The following FOCAD variants were observed in gnomAD, a reference collection of about 807,000 sequenced individuals.
The protein encoded by FOCAD is KIAA1797.
Under a neutral mutation model 225.6 loss-of-function variants are expected in FOCAD, and 198 were observed. The observed-to-expected ratio is 0.88, with a 90% CI of 0.78 to 0.99. The LOEUF (loss-of-function observed/expected upper bound fraction) is 0.99. Ranked by LOEUF, FOCAD falls within the 50% of genes least tolerant of loss-of-function variation. The pLI is 0.00. For synonymous variants in FOCAD, 897 were observed against 755.0 expected (o/e 1.19, Z -3.08); for missense variants, 2,713 against 2,123.6 (o/e 1.28, Z -5.46).
At chr9:20,843,304 A>G (rs921199693) in intron 15 of FOCAD, among the ~76,000 whole-genome samples, 13 of 152,078 alleles carry the variant, frequency 8.5e-5, no homozygotes, top group African/African-American at 2.9e-4. Flanking sequence ...ATGTTGATGA[A>G]ATCCCTCTGA....
rs199631251 is a variant in FOCAD, at chr9:20,841,775, ATTTCT to A, written c.1920+18667_1920+18671del. ...ATTTATTTCCCCTTTCATCTTTGTTATTTCTTTTCTTCTAATTTTGGGTTTGATTT... is the reference window on the plus strand; with the variant it reads ...ATTTATTTCCCCTTTCATCTTTGTTATTTCTTCTAATTTTGGGTTTGATTT... On this transcript the variant is annotated intron_variant, in intron 15 of 43. Coordinates refer to ENST00000338382, the MANE Select transcript of FOCAD (RefSeq NM_001375567.1). Among the ~76,000 whole-genome samples, 346 of 148,796 alleles carry A rather than the reference ATTTCT, an allele frequency of 2.3e-3. 10 individuals are homozygous for A. In the East Asian group the frequency reaches 0.045, roughly 19 times the overall value.
At chr9:20,715,623 A>G (rs1035537951) in intron 2 of FOCAD, among the ~76,000 whole-genome samples, 17 of 152,250 alleles carry the variant, frequency 1.1e-4, no homozygotes, top group South Asian at 2.1e-4. Flanking sequence ...TTCTGTTTAT[A>G]TATCATACTT....
chr9:20,768,007 G>T (rs1390204772), intron 7 of FOCAD, among the ~76,000 whole-genome samples: 4 of 151,792 alleles, frequency 2.6e-5, no homozygotes, highest in Non-Finnish European at 5.9e-5. Flanking sequence ...TTTGTATAAG[G>T]TGTAAGGAAG....
In FOCAD at chr9:20,916,789, G is replaced by A. The variant is rs1192437236; in HGVS notation, c.2808-104G>A. ...TGAAATTCTACCTGTATAGTTTTAA[G>A]ATCTGGAGCCATTGCTGGAGGTTCT... On this transcript the variant is annotated intron_variant, in intron 23 of 43. Transcript: ENST00000338382. 6.9e-6 allele frequency: 7 copies of A among 1,011,594 alleles called. No individual in the cohort carries two copies. The Middle Eastern group carries it at 7.1e-4, about 102-fold the overall frequency. The allele number at this position is 1,011,594 out of a possible 1,614,324, so 62.7% of individuals were successfully genotyped here. A position where few individuals can be genotyped will look rare whatever the true frequency, so the allele number is the denominator to read the frequency against.
At chr9:20,778,090 A>AAT (rs1662785614) in intron 8 of FOCAD, among the ~76,000 whole-genome samples, 1 of 10,396 alleles carries the variant, frequency 9.6e-5, no homozygotes, top group South Asian at 2.6e-3. Context: ...ACTCCGTCTC[A>AAT]AAAAAAAAAA....
chr9:20,928,634 A>G (rs1474739694), intron 26 of FOCAD, among the ~76,000 whole-genome samples: 1 of 152,116 alleles, frequency 6.6e-6, no homozygotes, highest in Non-Finnish European at 1.5e-5. Flanking sequence ...CTGTCATTTT[A>G]TTAGGGCTGT....
rs564379220 is a variant in FOCAD at position 20,747,069 on chromosome 9, G to A, written c.392+6729G>A. ...AGTTATCATTTTTTTGAACTAATAAGCAATCTGTGGGGAATACATTTTGAG... is the reference window on the plus strand; with the variant it reads ...AGTTATCATTTTTTTGAACTAATAAACAATCTGTGGGGAATACATTTTGAG... On this transcript the variant is annotated intron_variant, in intron 5 of 43. Transcript: ENST00000338382. Among the ~76,000 whole-genome samples, 7 of 152,124 alleles carry A rather than the reference G, an allele frequency of 4.6e-5. No individual in the cohort carries two copies. In the South Asian group the frequency reaches 8.3e-4, roughly 18 times the overall value.
At chr9:20,862,072 T>C (rs918064965) in intron 15 of FOCAD, among the ~76,000 whole-genome samples, 1 of 152,120 alleles carries the variant, frequency 6.6e-6, no homozygotes, top group Non-Finnish European at 1.5e-5. Context: ...GTAGTTATTC[T>C]CCTACCTCTG....
At chr9:20,955,707 T>C (rs913861219) in intron 35 of FOCAD, among the ~76,000 whole-genome samples, 3 of 152,164 alleles carry the variant, frequency 2.0e-5, no homozygotes, top group Admixed American at 2.0e-4. Context: ...AACATGGATA[T>C]TTTTTCCCCC....
intron 8 of FOCAD, among the ~76,000 whole-genome samples, chr9:20,770,460 T>C (rs9298809): frequency 0.01 from 1,510 of 150,328 alleles, 24 homozygotes; most frequent in African/African-American, 0.036. Flanking sequence ...GGTGTAGGAG[T>C]GAGAGAGAGG....
intron 7 of FOCAD, among the ~76,000 whole-genome samples, chr9:20,768,546 C>G (rs1817834998): frequency 6.6e-6 from 1 of 151,636 alleles, no homozygotes; most frequent in South Asian, 2.1e-4. Context: ...CCTTCACATC[C>G]CTTGTAAGTT....
chr9:20,830,783 C>A (rs1453418751), intron 15 of FOCAD, among the ~76,000 whole-genome samples: 1 of 151,878 alleles, frequency 6.6e-6, no homozygotes, highest in Non-Finnish European at 1.5e-5. Flanking sequence ...TGCAAGGGAT[C>A]CTCCCACCTT....
At chr9:20,818,683 A>T (rs1054411894) in intron 11 of FOCAD, among the ~76,000 whole-genome samples, 3 of 151,958 alleles carry the variant, frequency 2.0e-5, no homozygotes, top group Admixed American at 6.6e-5. Flanking sequence ...GATTATAAAT[A>T]TAAGTACTCA....
In FOCAD at chr9:20,920,791, C is replaced by T. The variant is rs1386857300; in HGVS notation, c.2853-2869C>T. Among the ~76,000 whole-genome samples the T allele has an allele frequency of 2.7e-5, 4 of 150,148 alleles. No homozygotes were observed. In the East Asian group the frequency reaches 7.9e-4, roughly 30 times the overall value. ...GAACACATGGACACAGGAAAGGGAACATCACACTCTGGGGACTGTTGTGGG... is the reference window on the plus strand; with the variant it reads ...GAACACATGGACACAGGAAAGGGAATATCACACTCTGGGGACTGTTGTGGG... On this transcript the variant is annotated intron_variant, in intron 24 of 43. Transcript: ENST00000338382.
chr9:20,921,360 C>G (rs969010051), intron 24 of FOCAD, among the ~76,000 whole-genome samples: 3 of 152,116 alleles, frequency 2.0e-5, no homozygotes, highest in African/African-American at 7.2e-5. Flanking sequence ...TAGATAAATA[C>G]TCTGTGGAAG....
At chr9:20,764,105 G>T (rs1283583636) in intron 6 of FOCAD, among the ~76,000 whole-genome samples, 1 of 152,170 alleles carries the variant, frequency 6.6e-6, no homozygotes, top group Non-Finnish European at 1.5e-5. Context: ...AGGTTAACAA[G>T]TAAATGTTAA....
intron 1 of FOCAD, among the ~76,000 whole-genome samples, chr9:20,700,376 G>T (rs1205295241): frequency 2.0e-5 from 3 of 151,644 alleles, no homozygotes; most frequent in African/African-American, 7.3e-5. Context: ...AGTCTTGTTA[G>T]CTTTTACATG....
intron 22 of FOCAD, among the ~76,000 whole-genome samples, chr9:20,912,662 T>C (rs1225359296): frequency 6.6e-6 from 1 of 152,140 alleles, no homozygotes; most frequent in African/African-American, 2.4e-5. Context: ...ACAACTTCTC[T>C]AGGATGTTAC....
Position 20,933,037 on chromosome 9 carries a change from A to G in FOCAD, c.3341A>G (p.Asn1114Ser), listed in dbSNP as rs537154221. 15 of 1,613,850 alleles carry G rather than the reference A, an allele frequency of 9.3e-6. No individual in the cohort carries two copies. The highest frequency in any genetic ancestry group is 6.7e-5 in the East Asian group (3 of 44,844). ...AGTGATATATCTGGCCAAGAGATGA[A>G]CCTTCTTCTGATGAAGTCGTTGGAT... The part of the protein sequence containing the change: ...KLSDISGQEM[N>S]LLLMKSLDAL... Residue 1114 changes from asparagine (N) to serine (S), a missense_variant, in exon 28 of 44, where the codon AAC becomes AGC. Transcript: ENST00000338382.
Sources: gnomAD v4.1 joint callset for allele counts (sites outside exome capture counted in the v4.1 genomes callset) on GRCh38, gnomAD v4.1.1 for gene constraint, MANE v1.5 for transcripts, NCBI Gene and HGNC (gene_info 2026-07-23, HGNC 2026-07-21) for gene names.